Variants in ATXN1 observed in about 807,000 individuals in gnomAD.
The protein encoded by ATXN1 is ataxin 1.
A neutral mutation model predicts 56.4 loss-of-function variants in ATXN1; 8 were observed. The ratio of observed to expected loss-of-function variants is 0.14; its 90% CI spans 0.08 to 0.26. The LOEUF (loss-of-function observed/expected upper bound fraction) is 0.26, where lower values mean the gene tolerates loss of function less well. ATXN1 is among the 10% of genes least tolerant of loss of function. The pLI is 1.00. For missense variants in ATXN1, 987 were observed against 1,106.5 expected (o/e 0.89, Z 1.53); for synonymous variants, 514 against 494.6 (o/e 1.04, Z -0.52).
intron 3 of ATXN1, among the ~76,000 whole-genome samples, chr6:16,594,181 C>T (rs750079287): frequency 3.4e-5 from 5 of 147,930 alleles, no homozygotes; most frequent in African/African-American, 9.9e-5. Flanking sequence ...TGTCTGTTGA[C>T]GACCTTTAAA....
At chr6:16,735,603 T>A (rs949203460) in intron 2 of ATXN1, among the ~76,000 whole-genome samples, 1 of 152,156 alleles carries the variant, frequency 6.6e-6, no homozygotes, top group Admixed American at 6.5e-5. Flanking sequence ...AAATTCTGTC[T>A]CGGGGTACAG....
chr6:16,348,204 C>T (rs951593665), intron 6 of ATXN1, among the ~76,000 whole-genome samples: 10 of 152,202 alleles, frequency 6.6e-5, no homozygotes, highest in African/African-American at 2.4e-4. Flanking sequence ...GCTGGGATTA[C>T]AGACTTGTGC....
chr6:16,447,974 T>C (rs1759668713), intron 6 of ATXN1, among the ~76,000 whole-genome samples: 1 of 152,202 alleles, frequency 6.6e-6, no homozygotes, highest in Admixed American at 6.5e-5. Context: ...TCCCACCCAA[T>C]GCAGAGTGTG....
At chr6:16,601,643 G>A (rs1336326630) in intron 3 of ATXN1, among the ~76,000 whole-genome samples, 1 of 152,156 alleles carries the variant, frequency 6.6e-6, no homozygotes, top group Non-Finnish European at 1.5e-5. Context: ...GAGGTCAGGA[G>A]ATCGAGACCA....
At chr6:16,695,666 T>A (rs1759149654) in intron 2 of ATXN1, among the ~76,000 whole-genome samples, 1 of 152,232 alleles carries the variant, frequency 6.6e-6, no homozygotes, top group Non-Finnish European at 1.5e-5. Flanking sequence ...TATTAGTACC[T>A]TCATCTTGAG....
At chr6:16,518,690 T>A (rs1410356794) in intron 5 of ATXN1, among the ~76,000 whole-genome samples, 1 of 152,164 alleles carries the variant, frequency 6.6e-6, no homozygotes, top group Non-Finnish European at 1.5e-5. Context: ...GGAATCACTA[T>A]CCTAATCTAT....
In ATXN1 at chr6:16,327,012, G is replaced by T; in HGVS notation, c.1299C>A (p.Val433=). 1 of 1,614,142 alleles carries T rather than the reference G, an allele frequency of 6.2e-7. No individual in the cohort carries two copies. Among genetic ancestry groups the T allele is most frequent in the South Asian group, 1.1e-5 (1 of 91,062 alleles). The change falls in exon 7 of 8, where the codon GTC becomes GTA. Residue 433 remains valine (V), a synonymous_variant. Transcript: ENST00000436367. ...HRSYALSPHT[V]IQTTHSASEP... is the part of the protein sequence containing the mutation. ...CTGAAGCACTGTGTGTGGTCTGAAT[G>T]ACCGTGTGGGGTGAGAGCGCGTAGG...
At chr6:16,750,951 T>C (rs542964486) in intron 2 of ATXN1, among the ~76,000 whole-genome samples, 2 of 151,864 alleles carry the variant, frequency 1.3e-5, no homozygotes, top group East Asian at 3.9e-4. Flanking sequence ...ACTCTACCTT[T>C]TTCTTTTCTT....
At chr6:16,451,935 C>A (rs1264742402) in intron 6 of ATXN1, among the ~76,000 whole-genome samples, 3 of 152,106 alleles carry the variant, frequency 2.0e-5, no homozygotes. Flanking sequence ...TTCTAAGATG[C>A]CAGAGAAGTT....
intron 4 of ATXN1, among the ~76,000 whole-genome samples, chr6:16,584,279 CAT>C (rs112137981): frequency 0.098 from 13,853 of 141,168 alleles, 1,453 homozygotes; most frequent in African/African-American, 0.26. Context: ...CACATATACA[CAT>C]ATATATATAT....
At chr6:16,395,180 G>C (rs1294689060) in intron 6 of ATXN1, among the ~76,000 whole-genome samples, 1 of 144,074 alleles carries the variant, frequency 6.9e-6, no homozygotes, top group Admixed American at 7.3e-5. Context: ...TGAGGCAGGA[G>C]AATCACTTGA....
intron 5 of ATXN1, among the ~76,000 whole-genome samples, chr6:16,521,377 G>A (rs1162779529): frequency 2.0e-5 from 3 of 152,180 alleles, no homozygotes; most frequent in African/African-American, 7.2e-5. Context: ...TGGTAACACA[G>A]TGAAACCCAT....
At chr6:16,559,388 T>C (rs564340757) in intron 4 of ATXN1, among the ~76,000 whole-genome samples, 1 of 149,054 alleles carries the variant, frequency 6.7e-6, no homozygotes, top group East Asian at 1.9e-4. Flanking sequence ...AAAAAAAAAG[T>C]CCATCAATGT....
chr6:16,592,503 T>C (rs1762740531), intron 3 of ATXN1, among the ~76,000 whole-genome samples: 1 of 152,142 alleles, frequency 6.6e-6, no homozygotes, highest in South Asian at 2.1e-4. Context: ...GGCCCACAGT[T>C]AGACGTATTA....
chr6:16,332,762 C>A (rs1041854358), intron 6 of ATXN1, among the ~76,000 whole-genome samples: 7 of 152,190 alleles, frequency 4.6e-5, no homozygotes, highest in African/African-American at 1.4e-4. Flanking sequence ...TCATCTTAAG[C>A]CGCTTTAGAG....
Position 16,424,248 on chromosome 6 carries a change from C to T in ATXN1, c.-161+61724G>A, listed in dbSNP as rs192990529. Reference sequence around the variant, plus strand: ...CTCCTACAGGCAGAATCAAGAGCTACGGGTTCAAGGGACGAGAGGGAAGAA... The same window carrying T: ...CTCCTACAGGCAGAATCAAGAGCTATGGGTTCAAGGGACGAGAGGGAAGAA... On this transcript the variant is annotated intron_variant, in intron 6 of 7. Transcript: ENST00000436367. Among the ~76,000 whole-genome samples, 15 of 152,220 alleles carry T rather than the reference C, an allele frequency of 9.9e-5. No homozygotes were observed. In the East Asian group the frequency reaches 2.1e-3, roughly 22 times the overall value.
intron 6 of ATXN1, among the ~76,000 whole-genome samples, chr6:16,405,625 A>C (rs112921996): frequency 1.2e-3 from 181 of 152,192 alleles, no homozygotes; most frequent in African/African-American, 3.7e-3. Flanking sequence ...TCAGAGATGA[A>C]CTCTTGCAAG....
chr6:16,499,727 G>A (rs1760846725), intron 5 of ATXN1, among the ~76,000 whole-genome samples: 1 of 152,110 alleles, frequency 6.6e-6, no homozygotes, highest in African/African-American at 2.4e-5. Flanking sequence ...ATAACCAAGA[G>A]AAATAATAGA....
At chr6:16,391,781 A>G (rs1052060702) in intron 6 of ATXN1, among the ~76,000 whole-genome samples, 4 of 152,166 alleles carry the variant, frequency 2.6e-5, no homozygotes, top group Non-Finnish European at 5.9e-5. Flanking sequence ...AAGGTGGTGG[A>G]TGACTACAGG....
Sources: gnomAD v4.1 joint callset for allele counts (sites outside exome capture counted in the v4.1 genomes callset) on GRCh38, gnomAD v4.1.1 for gene constraint, MANE v1.5 for transcripts, NCBI Gene and HGNC (gene_info 2026-07-23, HGNC 2026-07-21) for gene names.